TMEM71: variants seen among roughly 807,000 people sequenced by gnomAD.
TMEM71 encodes transmembrane protein 71.
A neutral mutation model predicts 38.0 loss-of-function variants in TMEM71; 44 were observed. The ratio of observed to expected loss-of-function variants is 1.16; its 90% CI spans 0.91 to 1.49. The LOEUF (loss-of-function observed/expected upper bound fraction) is 1.49. TMEM71 is among the 40% of genes most tolerant of loss of function. The pLI is 0.00. For synonymous variants in TMEM71, 133 were observed against 122.5 expected, an observed-to-expected ratio of 1.09 and a Z score of -0.56; for missense variants, 367 against 348.6, an observed-to-expected ratio of 1.05 and a Z score of -0.42.
intron 5 of TMEM71, among the ~76,000 whole-genome samples, chr8:132,735,299 T>C (rs1827686188): frequency 6.6e-6 from 1 of 152,172 alleles, no homozygotes; most frequent in African/African-American, 2.4e-5. Flanking sequence ...AAACATCCTC[T>C]TGCCTGAAAA....
intron 7 of TMEM71, among the ~76,000 whole-genome samples, chr8:132,718,401 T>TTTC (rs1427960580): frequency 6.7e-6 from 1 of 148,166 alleles, no homozygotes; most frequent in Non-Finnish European, 1.5e-5. Flanking sequence ...ATTTTCTCTT[T>TTTC]TTTTTTTTTT....
At chr8:132,733,822 A>T (rs1157820019) in intron 5 of TMEM71, among the ~76,000 whole-genome samples, 1 of 152,002 alleles carries the variant, frequency 6.6e-6, no homozygotes, top group Non-Finnish European at 1.5e-5. Context: ...ATTCAATCTT[A>T]AAAAAAAGAA....
intron 4 of TMEM71, among the ~76,000 whole-genome samples, chr8:132,750,043 G>T (rs914585947): frequency 1.3e-4 from 19 of 148,834 alleles, no homozygotes; most frequent in Admixed American, 2.0e-4. Flanking sequence ...AGAAAGAAAA[G>T]AAAAGAAAAA....
upstream of TMEM71, among the ~76,000 whole-genome samples, chr8:132,762,830 C>G (rs537662257): frequency 6.6e-5 from 10 of 152,212 alleles, no homozygotes; most frequent in Non-Finnish European, 1.3e-4. Context: ...AAACCAGGCA[C>G]TGCACTAAAC....
In TMEM71 at chr8:132,730,352, A is replaced by G. The variant is rs116880621; in HGVS notation, c.488-2366T>C. 2.3e-3 allele frequency among the ~76,000 whole-genome samples: 345 copies of G among 152,322 alleles called. 1 individual carries two copies. Among genetic ancestry groups the G allele is most frequent in the Non-Finnish European group, 4.0e-3 (269 of 68,038 alleles). On this transcript the variant is annotated intron_variant, in intron 5 of 9. Coordinates refer to ENST00000677595, the MANE Select transcript of TMEM71 (RefSeq NM_001382403.1). ...GATATCTGCCAGAAGCCAACATAAA[A>G]GCTCTCTGTGGAAACACACTCTCAG...
intron 2 of TMEM71, among the ~76,000 whole-genome samples, chr8:132,757,649 C>T (rs1008106143): frequency 7.2e-5 from 11 of 151,916 alleles, no homozygotes; most frequent in African/African-American, 2.4e-4. Flanking sequence ...CACGGTGACA[C>T]CCCGTCTTTA....
At chr8:132,750,104 A>T (rs1828620861) in intron 4 of TMEM71, among the ~76,000 whole-genome samples, 1 of 152,192 alleles carries the variant, frequency 6.6e-6, no homozygotes, top group African/African-American at 2.4e-5. Context: ...TCTATAGGTT[A>T]CTACCTATAC....
upstream of TMEM71, among the ~76,000 whole-genome samples, chr8:132,761,658 T>C (rs2131224551): frequency 6.6e-6 from 1 of 152,314 alleles, no homozygotes; most frequent in Non-Finnish European, 1.5e-5. Flanking sequence ...ATGTCTATTC[T>C]CCATCCCTTG....
intron 4 of TMEM71, among the ~76,000 whole-genome samples, chr8:132,751,056 T>C (rs1404935782): frequency 6.6e-6 from 1 of 152,174 alleles, no homozygotes; most frequent in Non-Finnish European, 1.5e-5. Flanking sequence ...TACCCATCCT[T>C]TCCATAGCAG....
chr8:132,740,887 C>T (rs951848707), intron 5 of TMEM71, among the ~76,000 whole-genome samples: 8 of 152,170 alleles, frequency 5.3e-5, no homozygotes, highest in Non-Finnish European at 1.0e-4. Flanking sequence ...GAAAATTATG[C>T]AGCCAGTTTG....
chr8:132,741,964 G>A (rs769060607), intron 5 of TMEM71, among the ~76,000 whole-genome samples: 12 of 152,314 alleles, frequency 7.9e-5, no homozygotes, highest in Non-Finnish European at 1.6e-4. Flanking sequence ...ACCTGGCAAC[G>A]GGCGTCTTCC....
chr8:132,766,748 G>A, the TMEM71 span, among the ~76,000 whole-genome samples: 10 of 148,114 alleles, frequency 6.8e-5, no homozygotes, highest in Non-Finnish European at 1.0e-4. Flanking sequence ...CCAACATTGC[G>A]TACCCTAACC....
chr8:132,753,371 A>G (rs901352237), intron 3 of TMEM71, among the ~76,000 whole-genome samples: 1 of 152,150 alleles, frequency 6.6e-6, no homozygotes, highest in African/African-American at 2.4e-5. Context: ...TGTGCTCTTT[A>G]CCTTGATGTT....
At chr8:132,755,146 C>T (rs1381775557) in intron 3 of TMEM71, among the ~76,000 whole-genome samples, 1 of 152,176 alleles carries the variant, frequency 6.6e-6, no homozygotes, top group Non-Finnish European at 1.5e-5. Context: ...TTTCTATCTG[C>T]ACTCCAATTT....
At chr8:132,724,550 A>T (rs1349813421) in intron 6 of TMEM71, among the ~76,000 whole-genome samples, 1 of 152,010 alleles carries the variant, frequency 6.6e-6, no homozygotes, top group African/African-American at 2.4e-5. Context: ...TGTTCCCTAA[A>T]ATCGCTGTTA....
intron 3 of TMEM71, among the ~76,000 whole-genome samples, chr8:132,756,411 T>TATATATATATA (rs1554619985): frequency 8.3e-4 from 96 of 115,810 alleles, no homozygotes; most frequent in Non-Finnish European, 1.3e-3. Context: ...AACATATATA[T>TATATATATATA]TATATATATA....
chr8:132,760,579 G>A lies in TMEM71; in HGVS notation c.-140C>T, dbSNP rs1829272475. The A allele has an allele frequency of 6.6e-6, 1 of 152,250 alleles. No homozygotes were observed. The highest frequency in any genetic ancestry group is 1.5e-5 in the Non-Finnish European group (1 of 68,060). The allele number at this position is 152,250 out of a possible 1,614,324, so 9.4% of individuals were successfully genotyped here. A position where few individuals can be genotyped will look rare whatever the true frequency, so the allele number is the denominator to read the frequency against. The stretch of plus-strand genomic sequence containing the variant: ...CTCTTGTCTGTTTCCTGGTATAAAT[G>A]AGTGTATAGTTCTTGGGAAAGTCAG... On this transcript the variant is annotated 5_prime_UTR_variant, in exon 1 of 10. Transcript: ENST00000677595.
chr8:132,771,357 CAA>C, the TMEM71 span, among the ~76,000 whole-genome samples: 1 of 152,282 alleles, frequency 6.6e-6, no homozygotes, highest in Non-Finnish European at 1.5e-5. Flanking sequence ...TGCACACACA[CAA>C]AAGAGTTCTT....
the TMEM71 span, among the ~76,000 whole-genome samples, chr8:132,774,445 G>A: frequency 6.6e-6 from 1 of 152,196 alleles, no homozygotes; most frequent in East Asian, 1.9e-4. Context: ...CTGAATGAAT[G>A]TTTGTTGAAT....
Sources: allele counts gnomAD v4.1 joint callset (sites outside exome capture counted in the v4.1 genomes callset), GRCh38; gene constraint gnomAD v4.1.1; transcripts MANE v1.5; gene names NCBI Gene and HGNC (gene_info 2026-07-23, HGNC 2026-07-21).